ACSS3: variants seen among roughly 807,000 people sequenced by gnomAD.
ACSS3 encodes acyl-CoA synthetase short chain family member 3, also known as acyl-CoA synthetase short-chain family member 3, mitochondrial.
A neutral mutation model predicts 84.2 loss-of-function variants in ACSS3; 64 were observed. The observed-to-expected ratio is 0.76, with a 90% CI of 0.62 to 0.94. The LOEUF (loss-of-function observed/expected upper bound fraction) is 0.94. Ranked by LOEUF, ACSS3 falls within the 40% of genes least tolerant of loss-of-function variation. ACSS3 has a pLI of 0.00. For synonymous variants in ACSS3, 317 were observed against 310.1 expected, an observed-to-expected ratio of 1.02 and a Z score of -0.23; for missense variants, 815 against 867.6, an observed-to-expected ratio of 0.94 and a Z score of 0.76.
chr12:81,220,291 G>A (rs141535831), intron 11 of ACSS3, among the ~76,000 whole-genome samples: 1,966 of 151,940 alleles, frequency 0.013, 21 homozygotes, highest in Middle Eastern at 0.041. Context: ...CACAAATTTT[G>A]CATATTTTTA....
At chr12:81,218,015 C>G (rs1473620797) in intron 10 of ACSS3, among the ~76,000 whole-genome samples, 1 of 152,070 alleles carries the variant, frequency 6.6e-6, no homozygotes, top group Non-Finnish European at 1.5e-5. Context: ...GGATGGCTCT[C>G]TCTAGGTGTA....
At position 81,143,246 on chromosome 12, in the gene ACSS3, A is replaced by G. The variant is rs1327378593; in HGVS notation, c.920A>G (p.Lys307Arg). Reference sequence around the variant, plus strand: ...ACATCTGGCACAACGGGGTTACCTAAGGTACTCACTCTCTTAGAGATAACT... The same window carrying G: ...ACATCTGGCACAACGGGGTTACCTAGGGTACTCACTCTCTTAGAGATAACT... Reference protein sequence around the residue: ...LYTSGTTGLPKGVIRPTGGYA... With the variant: ...LYTSGTTGLPRGVIRPTGGYA... The change falls in exon 5 of 16, where the codon AAG (lysine) becomes AGG (arginine). Residue 307 changes from lysine (K) to arginine (R), a missense_variant and splice_region_variant. By Grantham distance (26) the Lys-to-Arg change is conservative (BLOSUM62 2). Transcript: ENST00000548058. 8 of 1,589,688 alleles carry G rather than the reference A, an allele frequency of 5.0e-6. No homozygotes were observed. The highest frequency in any genetic ancestry group is 6.0e-6 in the Non-Finnish European group (7 of 1,163,374).
intron 2 of ACSS3, among the ~76,000 whole-genome samples, chr12:81,131,994 A>T (rs1027633707): frequency 7.2e-5 from 11 of 152,268 alleles, no homozygotes; most frequent in Non-Finnish European, 1.3e-4. Flanking sequence ...ATCATGGTGG[A>T]TTAGCTTTTT....
chr12:81,082,260 C>A (rs746691892), intron 1 of ACSS3, among the ~76,000 whole-genome samples: 2 of 152,168 alleles, frequency 1.3e-5, no homozygotes, highest in Non-Finnish European at 2.9e-5. Flanking sequence ...TTGTTCCCAT[C>A]TTTATATCTG....
In ACSS3 at chr12:81,204,371, C is replaced by T. The variant is rs931106120; in HGVS notation, c.1354+4927C>T. ...TTCCCTCCCTTCCTCCCTCCCCCCT[C>T]GTTCTCTTCCTCCCTTCTTTCCTCC... On this transcript the variant is annotated intron_variant, in intron 9 of 15. Transcript: ENST00000548058. Among the ~76,000 whole-genome samples, 6 of 148,578 alleles carry T rather than the reference C, an allele frequency of 4.0e-5. No individual in the cohort carries two copies. The South Asian group carries it at 6.5e-4, about 16-fold the overall frequency.
At chr12:81,213,793 T>TTCTCTTCTCTTCTCTTCTC (rs1555181605) in intron 9 of ACSS3, among the ~76,000 whole-genome samples, 2 of 30,818 alleles carry the variant, frequency 6.5e-5, no homozygotes, top group Non-Finnish European at 1.4e-4. Flanking sequence ...TCTCTTCTCT[T>TTCTCTTCTCTTCTCTTCTC]TTCTCTTCTC....
Position 81,086,742 on chromosome 12 carries a change from T to A in ACSS3, c.311+8311T>A, listed in dbSNP as rs544786519. On this transcript the variant is annotated intron_variant, in intron 1 of 15. Transcript: ENST00000548058. ...TCTTCTTCTTCTTTTTATTTTTTTT[T>A]ATTCTACTTTCATAAGCAACAAGCT... is the stretch of plus-strand genomic sequence containing the variant. Among the ~76,000 whole-genome samples the A allele has an allele frequency of 4.6e-4, 70 of 152,326 alleles. 1 individual carries two copies. In the South Asian group the frequency reaches 0.014, roughly 30 times the overall value.
intron 2 of ACSS3, chr12:81,125,887 C>T (rs1401616234): frequency 6.6e-6 from 1 of 152,192 alleles, no homozygotes; most frequent in Non-Finnish European, 1.5e-5. Flanking sequence ...TAATATTTCT[C>T]AAATAAGCTT....
chr12:81,242,790 C>T (rs1259042632), intron 13 of ACSS3, among the ~76,000 whole-genome samples: 1 of 147,218 alleles, frequency 6.8e-6, no homozygotes, highest in African/African-American at 2.5e-5. Flanking sequence ...CAGAAAAGGC[C>T]TTCAACAAAA....
In ACSS3 at chr12:81,259,850, G is replaced by C. The variant is rs1345255557; in HGVS notation, c.*4928G>C. On this transcript the variant is annotated 3_prime_UTR_variant, in exon 16 of 16. Transcript: ENST00000548058. ...ATTTGCTTTTCTCCAATTTGGTGCA[G>C]GGGAGCTTAACAAATAATAGAATTT... 1 of 424,072 alleles carries C rather than the reference G, an allele frequency of 2.4e-6. No individual in the cohort carries two copies. Among genetic ancestry groups the C allele is most frequent in the Admixed American group, 4.1e-5 (1 of 24,272 alleles). 26.3% of individuals were successfully genotyped at this position (424,072 alleles called of 1,614,324 possible).
At chr12:81,185,319 T>C (rs1177110362) in intron 8 of ACSS3, among the ~76,000 whole-genome samples, 1 of 151,726 alleles carries the variant, frequency 6.6e-6, no homozygotes, top group Admixed American at 6.6e-5. Context: ...GCCACTTCTA[T>C]TCAACATAAT....
At position 81,254,869 on chromosome 12, in the gene ACSS3, A is replaced by G. The variant is rs1200299829; in HGVS notation, c.2008A>G (p.Ile670Val). The change falls in exon 16 of 16, where the codon ATT (isoleucine) becomes GTT (valine). Residue 670 changes from isoleucine to valine, a missense_variant. Physicochemically the swap from Ile to Val is conservative, Grantham distance 29. Transcript: ENST00000548058. ...ATTTTTTTTCCAGATAACTTCTACA[A>G]TTGAAGACCCCAGCATTTTTGGCCA... Reference protein sequence around the residue: ...NGKPYKITSTIEDPSIFGHVE... With the variant: ...NGKPYKITSTVEDPSIFGHVE... 8 of 1,608,850 alleles carry G rather than the reference A, an allele frequency of 5.0e-6. No homozygotes were observed. Among genetic ancestry groups the G allele is most frequent in the Middle Eastern group, 1.7e-4 (1 of 6,052 alleles).
intron 2 of ACSS3, among the ~76,000 whole-genome samples, chr12:81,111,210 G>A (rs1883551404): frequency 3.3e-5 from 5 of 152,158 alleles, no homozygotes; most frequent in Admixed American, 2.6e-4. Flanking sequence ...GAGCAGAAGT[G>A]AGGAGTTAAG....
chr12:81,092,656 A>G (rs1342272983), intron 1 of ACSS3, among the ~76,000 whole-genome samples: 1 of 152,158 alleles, frequency 6.6e-6, no homozygotes, highest in African/African-American at 2.4e-5. Context: ...CAAGGGAAAG[A>G]CAAATCAGAA....
intron 1 of ACSS3, among the ~76,000 whole-genome samples, chr12:81,093,660 G>A (rs990923374): frequency 1.3e-5 from 2 of 151,560 alleles, no homozygotes; most frequent in African/African-American, 4.8e-5. Context: ...ATAATGCAAA[G>A]AGTTCATTTG....
chr12:81,147,339 C>T (rs1886389240), intron 5 of ACSS3, among the ~76,000 whole-genome samples: 2 of 152,194 alleles, frequency 1.3e-5, no homozygotes, highest in Admixed American at 1.3e-4. Context: ...GCATTGTTCA[C>T]ACGGGTTTAT....
At chr12:81,159,022 A>G (rs1887020894) in intron 7 of ACSS3, among the ~76,000 whole-genome samples, 1 of 152,258 alleles carries the variant, frequency 6.6e-6, no homozygotes. Context: ...TGCCTGAATG[A>G]CAATATCAGA....
intron 13 of ACSS3, among the ~76,000 whole-genome samples, chr12:81,248,308 G>A (rs1017509831): frequency 5.3e-5 from 8 of 152,022 alleles, no homozygotes; most frequent in Non-Finnish European, 7.4e-5. Flanking sequence ...CAACCTAAGC[G>A]ATCATCAACA....
At chr12:81,089,277 A>T (rs763349279) in intron 1 of ACSS3, among the ~76,000 whole-genome samples, 4 of 151,308 alleles carry the variant, frequency 2.6e-5, no homozygotes, top group Non-Finnish European at 5.9e-5. Context: ...GATGTGTACT[A>T]TTTCTTTTTA....
Sources: allele counts gnomAD v4.1 joint callset (sites outside exome capture counted in the v4.1 genomes callset), GRCh38; gene constraint gnomAD v4.1.1; transcripts MANE v1.5; gene names NCBI Gene and HGNC (gene_info 2026-07-23, HGNC 2026-07-21).